Variants in ANO9 observed in about 807,000 individuals in gnomAD.
ANO9 encodes the protein anoctamin 9.
Under a neutral mutation model 100.5 loss-of-function variants are expected in ANO9, and 80 were observed. The ratio of observed to expected loss-of-function variants is 0.80; its 90% confidence interval spans 0.66 to 0.96. The LOEUF (loss-of-function observed/expected upper bound fraction) is 0.96. Among genes scored for constraint, ANO9 ranks in the 40% least tolerant of loss-of-function variants. The pLI is 0.00. For missense variants in ANO9, 1,064 were observed against 1,072.7 expected (o/e 0.99, Z 0.11); for synonymous variants, 473 against 435.6 (o/e 1.09, Z -1.07).
intron 14 of ANO9, 30 bp from the exon 15 acceptor site, chr11:428,229 C>G: frequency 6.2e-7 from 1 of 1,610,436 alleles, no homozygotes; most frequent in Non-Finnish European, 8.5e-7. Flanking sequence ...CACCTCTCTC[C>G]CTGCTCATAG....
chr11:420,327 C>G, intron 19 of ANO9, 136 bp downstream of exon 19: 8 of 1,463,782 alleles, frequency 5.5e-6, no homozygotes, highest in South Asian at 4.1e-5. Flanking sequence ...CCGAGGCCGT[C>G]GGAGAAGGGC....
chr11:421,800 T>C lies in ANO9; in HGVS notation c.1335-602A>G, dbSNP rs935308474. ...TGCTTTCCATAATATGAGAAATACATGAACTATCTTAAACCAAAAGTCAGG... is the reference window on the plus strand; with the variant it reads ...TGCTTTCCATAATATGAGAAATACACGAACTATCTTAAACCAAAAGTCAGG... On this transcript the variant is annotated intron_variant, in intron 15 of 22. Coordinates refer to ENST00000332826, the MANE Select transcript of ANO9 (RefSeq NM_001012302.3). This position sits in a 1 kb window ranked among gnomAD's most constrained non-coding sequence, Gnocchi z 6.8. 5.3e-5 allele frequency among the ~76,000 whole-genome samples: 8 copies of C among 152,256 alleles called. No individual in the cohort carries two copies. The highest frequency in any genetic ancestry group is 8.8e-5 in the Non-Finnish European group (6 of 68,040).
In ANO9 at chr11:431,862, A is replaced by T. The variant is rs755322570; in HGVS notation, c.451T>A (p.Phe151Ile). Reference sequence around the variant, plus strand: ...CCACCCCTCACCTTGTGCAGGGGGAACCTGGCCTCAAAGACCCCGTCCTTC... The same window carrying T: ...CCACCCCTCACCTTGTGCAGGGGGATCCTGGCCTCAAAGACCCCGTCCTTC... The part of the protein sequence containing the change: ...LMKDGVFEAR[F>I]PLHKGEGRLK... Residue 151 changes from phenylalanine (F) to isoleucine (I), a missense_variant, in exon 6 of 23, where the codon TTC (phenylalanine) becomes ATC (isoleucine). Physicochemically the swap from Phe to Ile is conservative, Grantham distance 21. Coordinates refer to ENST00000332826, the MANE Select transcript of ANO9 (RefSeq NM_001012302.3). 2 of 1,610,452 alleles carry T rather than the reference A, an allele frequency of 1.2e-6. No homozygotes were observed. The highest frequency in any genetic ancestry group is 1.7e-4 in the Middle Eastern group (1 of 6,050).
At chr11:428,680 G>A (rs754621114) in intron 12 of ANO9, 41 bp from the exon 13 acceptor site, 1 of 1,612,174 alleles carries the variant, frequency 6.2e-7, no homozygotes, top group South Asian at 1.1e-5. Context: ...GGGAGGGCAT[G>A]CAGCCCGGGT....
intron 19 of ANO9, 46 bp downstream of exon 19, chr11:420,417 C>T (rs1848100849): frequency 6.3e-7 from 1 of 1,589,742 alleles, no homozygotes; most frequent in East Asian, 2.3e-5. Context: ...GCCCACAGGC[C>T]TGAGGCCGCC....
rs963861492 is a variant in ANO9 at position 421,342 on chromosome 11, C to G, written c.1335-144G>C. 8 of 788,886 alleles carry G rather than the reference C, an allele frequency of 1.0e-5. No individual in the cohort carries two copies. In the African/African-American group the frequency reaches 1.4e-4, roughly 14 times the overall value. 48.9% of individuals were successfully genotyped at this position (788,886 alleles called of 1,614,324 possible). ...TGAGCGGGGCACAGGTGCTCACACC[C>G]AGATGAACCGCACCCGCACGTGGGC... is the stretch of plus-strand genomic sequence containing the variant. On this transcript the variant is annotated intron_variant, in intron 15 of 22. Transcript: ENST00000332826. This position sits in a 1 kb window ranked among gnomAD's most constrained non-coding sequence, Gnocchi z 6.8.
rs1188155075 is a variant in ANO9, at chr11:431,854, C to T, written c.459G>A (p.Leu153=). 3.7e-6 allele frequency: 6 copies of T among 1,610,688 alleles called. No individual in the cohort carries two copies. Among genetic ancestry groups the T allele is most frequent in the Non-Finnish European group, 5.1e-6 (6 of 1,178,276 alleles). The change falls in exon 6 of 23, where the codon CTG becomes CTA. Residue 153 remains leucine, a synonymous_variant. Coordinates refer to ENST00000332826, the MANE Select transcript of ANO9 (RefSeq NM_001012302.3). ...AGGCCAGCCCACCCCTCACCTTGTG[C>T]AGGGGGAACCTGGCCTCAAAGACCC... ...KDGVFEARFP[L]HKGEGRLKKT...
chr11:434,200 C>T, intron 1 of ANO9, 102 bp from the exon 2 acceptor site: 3 of 1,337,062 alleles, frequency 2.2e-6, no homozygotes, highest in Admixed American at 2.3e-5. Flanking sequence ...CACACACCGT[C>T]CCTCCCCACA....
intron 8 of ANO9, 40 bp downstream of exon 8, chr11:430,229 C>G: frequency 6.4e-7 from 1 of 1,550,984 alleles, no homozygotes; most frequent in Non-Finnish European, 8.7e-7. Flanking sequence ...GCAGCAGGGC[C>G]CACCCCGGCC....
rs191901636 is a variant in ANO9 at position 429,128 on chromosome 11, A to C, written c.916-302T>G. On this transcript the variant is annotated intron_variant, in intron 11 of 22. Transcript: ENST00000332826. The stretch of plus-strand genomic sequence containing the variant: ...GGAGACAGACACAGGGACATGCCTC[A>C]TGGGTGGACAGACACGGGACACTCA... 3.0e-4 allele frequency among the ~76,000 whole-genome samples: 39 copies of C among 128,990 alleles called. 1 individual carries two copies. In the East Asian group the frequency reaches 9.5e-3, roughly 31 times the overall value. 84.6% of individuals were successfully genotyped at this position (128,990 alleles called of 152,430 possible).
chr11:420,560 C>CA lies in ANO9; in HGVS notation c.1688dup (p.Leu564AlafsTer59). 6.2e-7 allele frequency: 1 copy of CA among 1,605,366 alleles called. No individual in the cohort carries two copies. Among genetic ancestry groups the CA allele is most frequent in the East Asian group, 2.2e-5 (1 of 44,846 alleles). Reference sequence around the variant, plus strand: ...CCACGAGGTTGCTGAAGAGCGCGAGCAGCGGCGCCAGCGGGAAGGCGGCCA... The same window carrying CA: ...CCACGAGGTTGCTGAAGAGCGCGAGCAAGCGGCGCCAGCGGGAAGGCGGCCA... On this transcript the variant is annotated frameshift_variant, in exon 19 of 23. Coordinates refer to ENST00000332826, the MANE Select transcript of ANO9 (RefSeq NM_001012302.3). LOFTEE classifies it high-confidence loss of function.
At position 431,757 on chromosome 11, in the gene ANO9, C is replaced by T. The variant is rs78972632; in HGVS notation, c.476G>A (p.Arg159His). The T allele has an allele frequency of 3.1e-3, 5,018 of 1,612,606 alleles. 255 individuals carry two copies. In the East Asian group the frequency reaches 0.09, roughly 29 times the overall value. ...CCACCGCGCCCACGTCTTCTTCAGGCGTCCCTCCCCCTGGCTCGGGTGACA... is the reference window on the plus strand; with the variant it reads ...CCACCGCGCCCACGTCTTCTTCAGGTGTCCCTCCCCCTGGCTCGGGTGACA... ...ARFPLHKGEG[R>H]LKKTWARWRH... The change falls in exon 7 of 23, where the codon CGC (arginine) becomes CAC (histidine). Residue 159 changes from arginine to histidine, a missense_variant. Arg to His is a conservative substitution (Grantham distance 29). Transcript: ENST00000332826.
Position 433,305 on chromosome 11 carries a change from G to A in ANO9, c.350+9C>T. 1 of 1,611,342 alleles carries A rather than the reference G, an allele frequency of 6.2e-7. No homozygotes were observed. Among genetic ancestry groups the A allele is most frequent in the Non-Finnish European group, 8.5e-7 (1 of 1,179,168 alleles). ...TCTCCTGGCCACGGCTCTGGGTGCA[G>A]CCTCTCACCTCGTGGTGACCGGGAT... On this transcript the variant is annotated intron_variant, in intron 4 of 22. Coordinates refer to ENST00000332826, the MANE Select transcript of ANO9 (RefSeq NM_001012302.3).
chr11:428,305 G>A, intron 14 of ANO9, 53 bp downstream of exon 14: 1 of 1,610,472 alleles, frequency 6.2e-7, no homozygotes, highest in Non-Finnish European at 8.5e-7. Flanking sequence ...CAAGGCCCCA[G>A]CCCTGAGTCC....
At position 432,118 on chromosome 11, in the gene ANO9, T is replaced by C; in HGVS notation, c.351-64A>G. The C allele has an allele frequency of 6.3e-7, 1 of 1,577,428 alleles. No individual in the cohort carries two copies. On this transcript the variant is annotated intron_variant, in intron 4 of 22. Coordinates refer to ENST00000332826, the MANE Select transcript of ANO9 (RefSeq NM_001012302.3). This position sits in a 1 kb window ranked among gnomAD's most constrained non-coding sequence, Gnocchi z 4.8. ...TGGACCCTGCCTCCAGGTCTCAACCTGCCCTCTGGTCTGGCCAGGCCCAGG... is the reference window on the plus strand; with the variant it reads ...TGGACCCTGCCTCCAGGTCTCAACCCGCCCTCTGGTCTGGCCAGGCCCAGG...
rs1459065674 is a variant in ANO9 at position 420,615 on chromosome 11, A to G, written c.1634T>C (p.Met545Thr). ...GATGGTGGTGAAGCCGTACTGGATCACTGCGCGGTGGGGGTCAGGCTCACC... is the reference window on the plus strand; with the variant it reads ...GATGGTGGTGAAGCCGTACTGGATCGCTGCGCGGTGGGGGTCAGGCTCACC... ...FSLFDEFMEM[M>T]IQYGFTTIFV... is the part of the protein sequence containing the mutation. Residue 545 changes from methionine (M) to threonine (T), a missense_variant and splice_region_variant, in exon 19 of 23, where the codon ATG (methionine) becomes ACG (threonine). Coordinates refer to ENST00000332826, the MANE Select transcript of ANO9 (RefSeq NM_001012302.3). 3.7e-6 allele frequency: 6 copies of G among 1,604,504 alleles called. No homozygotes were observed. The highest frequency in any genetic ancestry group is 5.1e-6 in the Non-Finnish European group (6 of 1,179,308).
rs542783618 is a variant in ANO9 at position 442,007 on chromosome 11, C to T, written c.-81G>A. 106 of 1,560,368 alleles carry T rather than the reference C, an allele frequency of 6.8e-5. No individual in the cohort carries two copies. The highest frequency in any genetic ancestry group is 1.1e-4 in the Admixed American group (6 of 53,378). ...GCGGCGGGTGCTCCTACCTGACTTC[C>T]GCGTGGGGCTCGCCCCTCCCTCCTC... On this transcript the variant is annotated 5_prime_UTR_variant, in exon 1 of 23. Coordinates refer to ENST00000332826, the MANE Select transcript of ANO9 (RefSeq NM_001012302.3).
intron 15 of ANO9, among the ~76,000 whole-genome samples, chr11:426,552 A>AATG (rs1848532411): frequency 6.6e-6 from 1 of 152,166 alleles, no homozygotes; most frequent in African/African-American, 2.4e-5. Context: ...AGCCTGGGGC[A>AATG]ATGGATCAAG....
At position 421,963 on chromosome 11, in the gene ANO9, A is replaced by G. The variant is rs971757416; in HGVS notation, c.1335-765T>C. Reference sequence around the variant, plus strand: ...ATAGTATACATTTGCAAAGAAAAAAATGACTCTTTTAGAAAACATGATTAT... The same window carrying G: ...ATAGTATACATTTGCAAAGAAAAAAGTGACTCTTTTAGAAAACATGATTAT... On this transcript the variant is annotated intron_variant, in intron 15 of 22. Transcript: ENST00000332826. The surrounding 1 kb of genome is among the most constrained non-coding windows in gnomAD (Gnocchi z 6.8). Among the ~76,000 whole-genome samples the G allele has an allele frequency of 9.2e-5, 14 of 152,246 alleles. No homozygotes were observed. The highest frequency in any genetic ancestry group is 1.8e-4 in the Non-Finnish European group (12 of 68,038).
Sources: allele counts gnomAD v4.1 joint callset (sites outside exome capture counted in the v4.1 genomes callset), GRCh38; gene constraint gnomAD v4.1.1; non-coding constraint Gnocchi (gnomAD v3.1); transcripts MANE v1.5; gene names NCBI Gene and HGNC (gene_info 2026-07-23, HGNC 2026-07-21).